The following CSPG4 variants were observed in gnomAD, a reference collection of about 807,000 sequenced individuals.
CSPG4 encodes the protein chondroitin sulfate proteoglycan 4.
Under a neutral mutation model 139.3 loss-of-function variants are expected in CSPG4, and 74 were observed. The ratio of observed to expected loss-of-function variants is 0.53; its 90% CI spans 0.44 to 0.64. The LOEUF is 0.64. CSPG4 is among the 30% of genes least tolerant of loss of function. The probability of loss-of-function intolerance (pLI) is 0.00; values close to 1 mark genes in which losing one functional copy is unlikely to be tolerated. For synonymous variants in CSPG4, 1,234 were observed against 1,394.2 expected, an observed-to-expected ratio of 0.89 and a Z score of 2.56; for missense variants, 2,565 against 3,148.3, an observed-to-expected ratio of 0.81 and a Z score of 4.43.
At chr15:75,706,579 G>T (rs1362308034) in intron 1 of CSPG4, among the ~76,000 whole-genome samples, 1 of 152,204 alleles carries the variant, frequency 6.6e-6, no homozygotes, top group African/African-American at 2.4e-5. Flanking sequence ...AGGGCCCCAG[G>T]AGAGGGGCCA....
chr15:75,682,544 A>AT, intron 7 of CSPG4, 63 bp downstream of exon 7: 1 of 1,598,154 alleles, frequency 6.3e-7, no homozygotes, highest in South Asian at 1.1e-5. Context: ...TGACCCTGGC[A>AT]TGCCACCCTC....
At chr15:75,678,209 A>G (rs1893921423) in intron 8 of CSPG4, among the ~76,000 whole-genome samples, 1 of 152,048 alleles carries the variant, frequency 6.6e-6, no homozygotes. Flanking sequence ...ACAGGATCCT[A>G]TCCCCTCTTG....
At chr15:75,712,615 G>A in intron 1 of CSPG4, 53 bp downstream of exon 1, 1 of 1,510,436 alleles carries the variant, frequency 6.6e-7, no homozygotes. Flanking sequence ...CCCTCCCGGA[G>A]GAACCCCTCT....
chr15:75,704,926 C>CCCCACCT (rs1406446705), intron 1 of CSPG4, among the ~76,000 whole-genome samples: 1 of 152,208 alleles, frequency 6.6e-6, no homozygotes, highest in African/African-American at 2.4e-5. Flanking sequence ...GGCCTCCAGC[C>CCCCACCT]CCCACCTCCA....
chr15:75,674,395 A>C lies in CSPG4; in HGVS notation c.*1155T>G, dbSNP rs1289871149. On this transcript the variant is annotated 3_prime_UTR_variant, in exon 10 of 10. Coordinates refer to ENST00000308508, the MANE Select transcript of CSPG4 (RefSeq NM_001897.5). ...AGAGGACCTAGCCTTTCTCTACTGA[A>C]CTGAAGGGGTTTGGTCCCATCACCC... 1 of 276,256 alleles carries C rather than the reference A, an allele frequency of 3.6e-6. No homozygotes were observed. Among genetic ancestry groups the C allele is most frequent in the Non-Finnish European group, 6.8e-6 (1 of 147,734 alleles). 17.1% of individuals were successfully genotyped at this position (276,256 alleles called of 1,614,324 possible). A position where few individuals can be genotyped will look rare whatever the true frequency, so the allele number is the denominator to read the frequency against.
Position 75,675,684 on chromosome 15 carries a change from C to A in CSPG4, c.6835G>T (p.Glu2279Ter). The A allele has an allele frequency of 6.4e-7, 1 of 1,555,758 alleles. No individual in the cohort carries two copies. Among genetic ancestry groups the A allele is most frequent in the African/African-American group, 1.4e-5 (1 of 73,336 alleles). ...AGDTETFRKV[E>*]PGQAIPLTAV... Reference sequence around the variant, plus strand: ...GTGAGCGGGATGGCCTGGCCTGGCTCCACCTTGCGAAAGGTCTCGGTGTCA... The same window carrying A: ...GTGAGCGGGATGGCCTGGCCTGGCTACACCTTGCGAAAGGTCTCGGTGTCA... Residue 2279 changes from glutamate (E) to a stop codon, truncating the protein, a stop_gained, in exon 10 of 10, where the codon GAG (glutamate) becomes TAG (stop). Transcript: ENST00000308508. LOFTEE classifies it high-confidence loss of function.
Position 75,696,490 on chromosome 15 carries a change from G to A in CSPG4, c.89-3257C>T, listed in dbSNP as rs1410955013. On this transcript the variant is annotated intron_variant, in intron 1 of 9. Transcript: ENST00000308508. This position sits in a 1 kb window ranked among gnomAD's most constrained non-coding sequence, Gnocchi z 4.2. Reference sequence around the variant, plus strand: ...TGCTGGGGGTGTGCTTTGGGTTTGCGTAAGGCTGTGTGTTTGTGTGTGTGT... The same window carrying A: ...TGCTGGGGGTGTGCTTTGGGTTTGCATAAGGCTGTGTGTTTGTGTGTGTGT... 2.0e-5 allele frequency among the ~76,000 whole-genome samples: 3 copies of A among 152,136 alleles called. No homozygotes were observed. The highest frequency in any genetic ancestry group is 6.5e-5 in the Admixed American group (1 of 15,276).
Position 75,682,673 on chromosome 15 carries a change from G to A in CSPG4, c.4717C>T (p.Arg1573Ter), listed in dbSNP as rs370078244. 5.6e-6 allele frequency: 9 copies of A among 1,613,036 alleles called. No homozygotes were observed. The highest frequency in any genetic ancestry group is 6.8e-6 in the Non-Finnish European group (8 of 1,179,964). Residue 1573 changes from arginine to a stop codon, truncating the protein, a stop_gained, in exon 7 of 10, where the codon CGA (arginine) becomes TGA (stop). Transcript: ENST00000308508. LOFTEE classifies it high-confidence loss of function. ...AGCACTTGCTTCTGGGCCGTCACTC[G>A]GAAGAAGTGTCCGGGGGAAGTGTGC... ...GEHTSPGHFF[R>*]VTAQKQVLLS...
In CSPG4 at chr15:75,675,659, G is replaced by A; in HGVS notation, c.6860C>T (p.Thr2287Ile). 1 of 1,535,928 alleles carries A rather than the reference G, an allele frequency of 6.5e-7. No homozygotes were observed. The highest frequency in any genetic ancestry group is 8.8e-7 in the Non-Finnish European group (1 of 1,140,300). The change falls in exon 10 of 10, where the codon ACA becomes ATA. Residue 2287 changes from threonine to isoleucine, a missense_variant. Thr to Ile is a moderately conservative substitution (Grantham distance 89, BLOSUM62 -1). This residue lies in a region of CSPG4 where 2,316 missense variants were observed against 2,818.2 expected (regional missense o/e 0.82). Transcript: ENST00000308508. ...KVEPGQAIPL[T>I]AVPGQGPPPG... ...AGGGGGCCCCTGGCCAGGCACAGCT[G>A]TGAGCGGGATGGCCTGGCCTGGCTC...
At position 75,690,203 on chromosome 15, in the gene CSPG4, T is replaced by A. The variant is rs1185461318; in HGVS notation, c.862A>T (p.Ser288Cys). The A allele has an allele frequency of 6.2e-7, 1 of 1,613,218 alleles. No individual in the cohort carries two copies. The highest frequency in any genetic ancestry group is 8.5e-7 in the Non-Finnish European group (1 of 1,179,886). Reference protein sequence around the residue: ...PVADGQPHEVSVHINAHRLEI... With the variant: ...PVADGQPHEVCVHINAHRLEI... ...AGCCGGTGAGCATTGATGTGGACAC[T>A]GACCTCATGGGGCTGCCCATCGGCC... The change falls in exon 3 of 10, where the codon AGT becomes TGT. Residue 288 changes from serine (S) to cysteine (C), a missense_variant. Physicochemically the swap from Ser to Cys is moderately radical, Grantham distance 112. Transcript: ENST00000308508.
intron 1 of CSPG4, among the ~76,000 whole-genome samples, chr15:75,700,886 G>A (rs1300821296): frequency 6.6e-6 from 1 of 152,164 alleles, no homozygotes; most frequent in Non-Finnish European, 1.5e-5. Context: ...GTAGCCTTGT[G>A]TGCCTCCTCC....
chr15:75,685,458 C>G lies in CSPG4; in HGVS notation c.4033G>C (p.Glu1345Gln). Reference protein sequence around the residue: ...DVASGLGAPLEGVLVELEVLP... With the variant: ...DVASGLGAPLQGVLVELEVLP... ...ACCTCCAGCTCCACAAGGACGCCCT[C>G]GAGGGGAGCACCCAGGCCTGAGGCC... is the stretch of plus-strand genomic sequence containing the variant. Residue 1345 changes from glutamate (E) to glutamine (Q), a missense_variant, in exon 4 of 10, where the codon GAG becomes CAG. Around this residue, in one of 5 missense-constraint regions of CSPG4, gnomAD observed 2,316 missense variants for 2,818.2 expected, o/e 0.82. Transcript: ENST00000308508. 1.2e-6 allele frequency: 2 copies of G among 1,612,370 alleles called. No individual in the cohort carries two copies. Among genetic ancestry groups the G allele is most frequent in the South Asian group, 1.1e-5 (1 of 91,018 alleles).
At chr15:75,702,417 G>A (rs1158679256) in intron 1 of CSPG4, among the ~76,000 whole-genome samples, 4 of 152,238 alleles carry the variant, frequency 2.6e-5, no homozygotes, top group East Asian at 1.9e-4. Flanking sequence ...AAAGACACTC[G>A]CTGCGGCCCA....
At chr15:75,681,654 C>T (rs939627648) in intron 8 of CSPG4, among the ~76,000 whole-genome samples, 1 of 152,182 alleles carries the variant, frequency 6.6e-6, no homozygotes, top group Non-Finnish European at 1.5e-5. Flanking sequence ...GAGTGGTGTT[C>T]ATTTAAGTGA....
In CSPG4 at chr15:75,676,259, T is replaced by C; in HGVS notation, c.6260A>G (p.Glu2087Gly). 1 of 1,568,550 alleles carries C rather than the reference T, an allele frequency of 6.4e-7. No individual in the cohort carries two copies. Among genetic ancestry groups the C allele is most frequent in the Non-Finnish European group, 8.6e-7 (1 of 1,162,990 alleles). The part of the protein sequence containing the change: ...TGSVPRFRLL[E>G]GPRHGRVVRV... ...GACCACGCGGCCATGCCGGGGTCCC[T>C]CCAGGAGGCGGAAGCGCGGCACACT... The change falls in exon 10 of 10, where the codon GAG (glutamate) becomes GGG (glycine). Residue 2087 changes from glutamate (E) to glycine (G), a missense_variant. By Grantham distance (98) the Glu-to-Gly change is moderately conservative. This residue lies in a region of CSPG4 where 2,316 missense variants were observed against 2,818.2 expected (regional missense o/e 0.82). Coordinates refer to ENST00000308508, the MANE Select transcript of CSPG4 (RefSeq NM_001897.5).
chr15:75,682,933 G>T lies in CSPG4; in HGVS notation c.4558C>A (p.Arg1520=). 1.2e-6 allele frequency: 2 copies of T among 1,611,330 alleles called. No individual in the cohort carries two copies. Among genetic ancestry groups the T allele is most frequent in the African/African-American group, 1.3e-5 (1 of 74,970 alleles). ...CCCGGCGCCCCCCGCAGCACTACCC[G>T]CCCGTTGCTGGGCTGCTCGATGGTG... ...VYTIEQPSNG[R]VVLRGAPGTE... is the part of the protein sequence containing the mutation. Residue 1520 remains arginine (R), a synonymous_variant, in exon 6 of 10, where the codon CGG becomes AGG. Coordinates refer to ENST00000308508, the MANE Select transcript of CSPG4 (RefSeq NM_001897.5).
chr15:75,690,337 G>A lies in CSPG4; in HGVS notation c.728C>T (p.Ala243Val), dbSNP rs751416876. Reference protein sequence around the residue: ...QSRQAPLAFQAGGRRGDFIYV... With the variant: ...QSRQAPLAFQVGGRRGDFIYV... ...GATGAAGTCCCCACGCCGGCCCCCT[G>A]CCTGGAAGGCCAAGGGTGCCTGCCG... is the stretch of plus-strand genomic sequence containing the variant. Residue 243 changes from alanine (A) to valine (V), a missense_variant, in exon 3 of 10, where the codon GCA (alanine) becomes GTA (valine). Physicochemically the swap from Ala to Val is moderately conservative, Grantham distance 64. Transcript: ENST00000308508. The A allele has an allele frequency of 6.2e-7, 1 of 1,612,342 alleles. No individual in the cohort carries two copies. Among genetic ancestry groups the A allele is most frequent in the Non-Finnish European group, 8.5e-7 (1 of 1,179,684 alleles).
chr15:75,703,942 A>C (rs1391553607), intron 1 of CSPG4, among the ~76,000 whole-genome samples: 2 of 55,782 alleles, frequency 3.6e-5, no homozygotes, highest in Non-Finnish European at 6.9e-5. Context: ...GTCTGGGTTT[A>C]TTTTTGGCAG....
chr15:75,679,074 T>C (rs573429806), intron 8 of CSPG4: 137 of 243,366 alleles, frequency 5.6e-4, no homozygotes, highest in African/African-American at 2.9e-3. Context: ...TTCAGTCTCC[T>C]GGCCTCAAAT....
Sources: allele counts gnomAD v4.1 joint callset (sites outside exome capture counted in the v4.1 genomes callset), GRCh38; gene constraint gnomAD v4.1.1; regional missense constraint gnomAD v4.1.1; non-coding constraint Gnocchi (gnomAD v3.1); transcripts MANE v1.5; gene names NCBI Gene and HGNC (gene_info 2026-07-23, HGNC 2026-07-21).